Variants in KIF16B observed in about 807,000 individuals in gnomAD.
KIF16B encodes the protein kinesin-like protein KIF16B.
Under a neutral mutation model 156.3 loss-of-function variants are expected in KIF16B, and 98 were observed. The observed-to-expected ratio is 0.63, with a 90% CI of 0.53 to 0.74. The LOEUF (loss-of-function observed/expected upper bound fraction) is 0.74. Ranked by LOEUF, KIF16B falls within the 30% of genes least tolerant of loss-of-function variation. The pLI is 0.00. For missense variants in KIF16B, 1,421 were observed against 1,606.5 expected, an observed-to-expected ratio of 0.88 and a Z score of 1.97; for synonymous variants, 564 against 583.7, an observed-to-expected ratio of 0.97 and a Z score of 0.49.
chr20:16,395,068 C>T (rs1165821892), intron 17 of KIF16B, among the ~76,000 whole-genome samples: 2 of 150,392 alleles, frequency 1.3e-5, no homozygotes. Context: ...GACAGCAAAG[C>T]TAAGGCTCAG....
At chr20:16,440,390 C>G (rs1317299510) in intron 12 of KIF16B, among the ~76,000 whole-genome samples, 1 of 152,028 alleles carries the variant, frequency 6.6e-6, no homozygotes, top group Non-Finnish European at 1.5e-5. Flanking sequence ...TAATAACTGT[C>G]CCCAAAATCT....
chr20:16,354,218 AG>A (rs911590907), intron 23 of KIF16B, among the ~76,000 whole-genome samples: 2 of 152,152 alleles, frequency 1.3e-5, no homozygotes, highest in African/African-American at 4.8e-5. Context: ...TTTTTATCTG[AG>A]TTCTATACAT....
intron 15 of KIF16B, among the ~76,000 whole-genome samples, chr20:16,424,690 T>G (rs2066309962): frequency 1.3e-5 from 2 of 152,078 alleles, no homozygotes; most frequent in African/African-American, 4.8e-5. Flanking sequence ...GCAAATGGCA[T>G]GGGCTGAGAA....
chr20:16,344,891 T>TG (rs955928118), intron 23 of KIF16B, among the ~76,000 whole-genome samples: 1 of 152,216 alleles, frequency 6.6e-6, no homozygotes, highest in African/African-American at 2.4e-5. Flanking sequence ...ATGATGCTGT[T>TG]GCTACATTCA....
At chr20:16,354,625 C>T (rs762764969) in intron 23 of KIF16B, among the ~76,000 whole-genome samples, 4 of 151,998 alleles carry the variant, frequency 2.6e-5, no homozygotes, top group Non-Finnish European at 5.9e-5. Flanking sequence ...AAATAAGAAC[C>T]CACATAATTG....
At chr20:16,504,252 C>T in intron 10 of KIF16B, 120 bp downstream of exon 10, 1 of 995,032 alleles carries the variant, frequency 1.0e-6, no homozygotes, top group Non-Finnish European at 1.5e-6. Flanking sequence ...TCATTCAAAG[C>T]TTTACTTAGC....
chr20:16,303,528 G>A (rs2063501103), intron 25 of KIF16B, among the ~76,000 whole-genome samples: 1 of 152,190 alleles, frequency 6.6e-6, no homozygotes, highest in African/African-American at 2.4e-5. Context: ...TCAAACCCAT[G>A]TTTACAAATG....
At chr20:16,565,560 A>G (rs1399837459) in intron 1 of KIF16B, among the ~76,000 whole-genome samples, 1 of 152,174 alleles carries the variant, frequency 6.6e-6, no homozygotes, top group Non-Finnish European at 1.5e-5. Flanking sequence ...TAGCCCACTG[A>G]AGAGCTCCAG....
intron 3 of KIF16B, among the ~76,000 whole-genome samples, chr20:16,523,158 AAC>A (rs1164518051): frequency 3.3e-5 from 5 of 152,230 alleles, no homozygotes; most frequent in African/African-American, 1.2e-4. Context: ...ACTCCTATTC[AAC>A]ACAGTGTTGG....
At chr20:16,376,666 ACTCCCATT>A (rs2064959043) in intron 19 of KIF16B, among the ~76,000 whole-genome samples, 1 of 152,044 alleles carries the variant, frequency 6.6e-6, no homozygotes, top group Non-Finnish European at 1.5e-5. Flanking sequence ...CTGAAGGAAC[ACTCCCATT>A]GTGTAATCAC....
At chr20:16,435,090 G>A (rs778336959) in intron 12 of KIF16B, among the ~76,000 whole-genome samples, 3 of 152,154 alleles carry the variant, frequency 2.0e-5, no homozygotes, top group Non-Finnish European at 4.4e-5. Context: ...TTTCAACCAT[G>A]TTTCTTTATT....
intron 20 of KIF16B, 87 bp downstream of exon 20, chr20:16,374,170 T>A (rs1046482324): frequency 7.5e-7 from 1 of 1,330,938 alleles, no homozygotes; most frequent in African/African-American, 1.5e-5. Context: ...AATAGAGCCC[T>A]CCAGATACAA....
At chr20:16,548,246 ACGT>A (rs1483713136) in intron 1 of KIF16B, among the ~76,000 whole-genome samples, 30 of 152,122 alleles carry the variant, frequency 2.0e-4, no homozygotes, top group Admixed American at 1.3e-4. Context: ...CTGCTCTACC[ACGT>A]CAGAGGGAGC....
At chr20:16,504,570 A>G (rs1055666002) in intron 9 of KIF16B, 23 bp from the exon 10 acceptor site, 7 of 1,605,206 alleles carry the variant, frequency 4.4e-6, no homozygotes, top group Non-Finnish European at 6.0e-6. Flanking sequence ...TATTCAAAAA[A>G]TAATTTATCC....
At chr20:16,363,454 T>C (rs1164157509) in intron 22 of KIF16B, among the ~76,000 whole-genome samples, 1 of 152,198 alleles carries the variant, frequency 6.6e-6, no homozygotes, top group Non-Finnish European at 1.5e-5. Flanking sequence ...TTGGGAACCT[T>C]GACATAATAC....
intron 23 of KIF16B, among the ~76,000 whole-genome samples, chr20:16,345,632 G>C (rs2064218995): frequency 6.6e-6 from 1 of 152,192 alleles, no homozygotes; most frequent in African/African-American, 2.4e-5. Flanking sequence ...TTTTAGGGTA[G>C]GTAGGTATGA....
At chr20:16,532,218 T>G (rs1290208024) in intron 1 of KIF16B, among the ~76,000 whole-genome samples, 1 of 152,202 alleles carries the variant, frequency 6.6e-6, no homozygotes, top group African/African-American at 2.4e-5. Context: ...ATTGAAATAT[T>G]TACAAATCAA....
intron 24 of KIF16B, among the ~76,000 whole-genome samples, chr20:16,331,447 A>G (rs974894599): frequency 5.9e-5 from 9 of 152,254 alleles, no homozygotes; most frequent in Non-Finnish European, 8.8e-5. Flanking sequence ...AGAAGAGTCT[A>G]TCTTGGCAAG....
Position 16,505,782 on chromosome 20 carries a change from C to T in KIF16B, c.940G>A (p.Val314Met). 3 of 1,613,838 alleles carry T rather than the reference C, an allele frequency of 1.9e-6. No homozygotes were observed. In the South Asian group the frequency reaches 3.3e-5, roughly 18 times the overall value. ...CTATCTTTTAACAACCAAGTCAACA[C>T]AGAATCCCTGTAAGGCACGAAAACT... Reference protein sequence around the residue: ...KQVFVPYRDSVLTWLLKDSLG... With the variant: ...KQVFVPYRDSMLTWLLKDSLG... The change falls in exon 9 of 26, where the codon GTG (valine) becomes ATG (methionine). Residue 314 changes from valine (V) to methionine (M), a missense_variant. Coordinates refer to ENST00000354981, the MANE Select transcript of KIF16B (RefSeq NM_024704.5).
Sources: allele counts gnomAD v4.1 joint callset (sites outside exome capture counted in the v4.1 genomes callset), GRCh38; gene constraint gnomAD v4.1.1; transcripts MANE v1.5; gene names NCBI Gene and HGNC (gene_info 2026-07-23, HGNC 2026-07-21).